CCSER1: variants seen among roughly 807,000 people sequenced by gnomAD.
CCSER1 encodes serine-rich coiled-coil domain-containing protein 1.
A neutral mutation model predicts 82.0 loss-of-function variants in CCSER1; 41 were observed. The ratio of observed to expected loss-of-function variants is 0.50; its 90% confidence interval spans 0.39 to 0.65. The LOEUF (loss-of-function observed/expected upper bound fraction) is 0.65, where lower values mean the gene tolerates loss of function less well. CCSER1 is among the 30% of genes least tolerant of loss of function. The probability of loss-of-function intolerance (pLI) is 0.00; values close to 1 mark genes in which losing one functional copy is unlikely to be tolerated. For synonymous variants in CCSER1, 414 were observed against 383.9 expected (o/e 1.08, Z -0.92); for missense variants, 1,119 against 1,064.2 (o/e 1.05, Z -0.72).
intron 10 of CCSER1, among the ~76,000 whole-genome samples, chr4:91,128,078 G>A (rs575700137): frequency 1.3e-5 from 2 of 151,942 alleles, no homozygotes; most frequent in Non-Finnish European, 2.9e-5. Flanking sequence ...ATGCCACTGT[G>A]GATGTCAGCC....
At chr4:91,171,873 C>T (rs2214383) in intron 10 of CCSER1, among the ~76,000 whole-genome samples, 110,857 of 151,916 alleles carry the variant, frequency 0.73, 40,707 homozygotes, top group Non-Finnish European at 0.78. Flanking sequence ...TTCATGCATG[C>T]TAATATTGTT....
chr4:90,949,274 G>A (rs1183467919), intron 9 of CCSER1, among the ~76,000 whole-genome samples: 2 of 151,702 alleles, frequency 1.3e-5, no homozygotes, highest in African/African-American at 4.8e-5. Flanking sequence ...TAATCTTTTC[G>A]GTTCCATCAA....
intron 10 of CCSER1, among the ~76,000 whole-genome samples, chr4:91,202,707 G>A (rs1396169474): frequency 3.5e-5 from 1 of 28,302 alleles, no homozygotes; most frequent in African/African-American, 1.7e-4. Context: ...CAAAGAAATT[G>A]AGAGTATGTT....
intron 1 of CCSER1, among the ~76,000 whole-genome samples, chr4:90,187,884 A>G (rs761010201): frequency 1.3e-5 from 2 of 151,936 alleles, no homozygotes; most frequent in Non-Finnish European, 2.9e-5. Context: ...GGAAGACATT[A>G]GAAACAGTTG....
intron 10 of CCSER1, among the ~76,000 whole-genome samples, chr4:91,195,950 C>A (rs1220467477): frequency 6.6e-6 from 1 of 151,828 alleles, no homozygotes; most frequent in Non-Finnish European, 1.5e-5. Flanking sequence ...GATCTCCTGA[C>A]CTCGTGATCC....
At chr4:90,559,343 G>A (rs1579155777) in intron 5 of CCSER1, among the ~76,000 whole-genome samples, 1 of 152,144 alleles carries the variant, frequency 6.6e-6, no homozygotes, top group African/African-American at 2.4e-5. Context: ...AGGGGAAAAG[G>A]CAGGATTAAG....
intron 6 of CCSER1, chr4:90,641,908 AT>A (rs1192478537): frequency 9.8e-6 from 3 of 306,908 alleles, no homozygotes; most frequent in African/African-American, 6.3e-5. Context: ...ATAACCACTA[AT>A]GTGGTTTTAT....
chr4:91,438,629 T>C (rs7691077), intron 10 of CCSER1, among the ~76,000 whole-genome samples: 123,303 of 152,196 alleles, frequency 0.81, 50,186 homozygotes, highest in East Asian at 0.92. Context: ...CAAAGCTGGA[T>C]GGAGAATGAC....
intron 5 of CCSER1, among the ~76,000 whole-genome samples, chr4:90,494,112 A>G (rs1768562978): frequency 6.6e-6 from 1 of 152,198 alleles, no homozygotes. Flanking sequence ...AGGGGTTGCA[A>G]TCCTAGTCTT....
At chr4:91,238,821 T>A (rs1739219271) in intron 10 of CCSER1, among the ~76,000 whole-genome samples, 1 of 144,486 alleles carries the variant, frequency 6.9e-6, no homozygotes, top group South Asian at 2.3e-4. Context: ...TAGATACTAT[T>A]TTAAGCATTT....
intron 1 of CCSER1, among the ~76,000 whole-genome samples, chr4:90,208,091 C>T (rs987040388): frequency 2.0e-5 from 3 of 152,190 alleles, no homozygotes; most frequent in South Asian, 2.1e-4. Context: ...GCTGAAGCTG[C>T]GCCCGCAGCC....
At chr4:90,867,518 T>A (rs1765892875) in intron 8 of CCSER1, among the ~76,000 whole-genome samples, 1 of 152,076 alleles carries the variant, frequency 6.6e-6, no homozygotes, top group African/African-American at 2.4e-5. Flanking sequence ...CTGCAAGTAT[T>A]TATCATTTCT....
At position 90,849,790 on chromosome 4, in the gene CCSER1, TAAAAAAAAAA is replaced by T. The variant is rs750879193; in HGVS notation, c.2094+33957_2094+33966del. ...GGCAACAGTGCAAAACTCCATCTCA[TAAAAAAAAAA>T]AAAAAAAAAAAGAAAACCCATTTTC... On this transcript the variant is annotated intron_variant, in intron 8 of 10. Coordinates refer to ENST00000509176, the MANE Select transcript of CCSER1 (RefSeq NM_001145065.2). Among the ~76,000 whole-genome samples the T allele has an allele frequency of 9.7e-3, 750 of 77,014 alleles. 7 individuals carry two copies. Among genetic ancestry groups the T allele is most frequent in the African/African-American group, 0.035 (680 of 19,366 alleles). The allele number at this position is 77,014 out of a possible 152,430, so 50.5% of individuals were successfully genotyped here.
intron 10 of CCSER1, among the ~76,000 whole-genome samples, chr4:91,303,072 G>C (rs553666480): frequency 9.9e-5 from 15 of 152,018 alleles, no homozygotes; most frequent in African/African-American, 3.6e-4. Context: ...CAATAAAAAA[G>C]TTTGAAGTAA....
intron 10 of CCSER1, among the ~76,000 whole-genome samples, chr4:91,326,807 G>A (rs1746596674): frequency 6.6e-6 from 1 of 152,026 alleles, no homozygotes; most frequent in Non-Finnish European, 1.5e-5. Flanking sequence ...CAAAATAAAG[G>A]AATTGGCCAA....
intron 10 of CCSER1, among the ~76,000 whole-genome samples, chr4:91,554,492 AGAAAGAG>A (rs1762313760): frequency 6.6e-6 from 1 of 151,306 alleles, no homozygotes; most frequent in African/African-American, 2.4e-5. Flanking sequence ...AAATTTAACC[AGAAAGAG>A]GAAAATCTGT....
intron 5 of CCSER1, among the ~76,000 whole-genome samples, chr4:90,471,566 AT>A (rs1219110845): frequency 6.6e-6 from 1 of 152,004 alleles, no homozygotes; most frequent in Non-Finnish European, 1.5e-5. Flanking sequence ...AAATTTTGTA[AT>A]TTTTTTGCAA....
chr4:90,576,315 C>T (rs1396614177), intron 5 of CCSER1, among the ~76,000 whole-genome samples: 3 of 152,142 alleles, frequency 2.0e-5, no homozygotes, highest in South Asian at 4.1e-4. Flanking sequence ...GACTCTCCCA[C>T]TACCAACATC....
chr4:91,429,934 G>A (rs1754197324), intron 10 of CCSER1, among the ~76,000 whole-genome samples: 1 of 151,664 alleles, frequency 6.6e-6, no homozygotes, highest in Non-Finnish European at 1.5e-5. Context: ...AGATAGATCT[G>A]AGACATACAA....
Sources: allele counts gnomAD v4.1 joint callset (sites outside exome capture counted in the v4.1 genomes callset), GRCh38; gene constraint gnomAD v4.1.1; transcripts MANE v1.5; gene names NCBI Gene and HGNC (gene_info 2026-07-23, HGNC 2026-07-21).